RMDN2: variants seen among roughly 807,000 people sequenced by gnomAD.
RMDN2 encodes regulator of microtubule dynamics 2, also known as regulator of microtubule dynamics protein 2.
Under a neutral mutation model 52.8 loss-of-function variants are expected in RMDN2, and 61 were observed. That is an observed-to-expected ratio of 1.16 (90% CI 0.94 to 1.43). RMDN2 has a LOEUF of 1.43. Ranked by LOEUF, RMDN2 falls within the 40% of genes most tolerant of loss-of-function variation. The probability of loss-of-function intolerance (pLI) is 0.00; values close to 1 mark genes in which losing one functional copy is unlikely to be tolerated. For missense variants in RMDN2, 592 were observed against 475.3 expected (o/e 1.25, Z -2.28); for synonymous variants, 180 against 153.1 (o/e 1.18, Z -1.30).
At position 37,950,388 on chromosome 2, in the gene RMDN2, G is replaced by A. The variant is rs899607326; in HGVS notation, c.452+20659G>A. On this transcript the variant is annotated intron_variant, in intron 2 of 10. Transcript: ENST00000354545. The stretch of plus-strand genomic sequence containing the variant: ...TCGGAGAAAGGTGAGCTACAGAACA[G>A]TTCTAATATAAACTGATGTCATGAG... The A allele has an allele frequency of 5.8e-6, 9 of 1,544,748 alleles. No individual in the cohort carries two copies. In the African/African-American group the frequency reaches 6.8e-5, roughly 12 times the overall value.
intron 2 of RMDN2, among the ~76,000 whole-genome samples, chr2:37,930,509 C>T (rs1157303533): frequency 1.3e-5 from 2 of 152,170 alleles, no homozygotes; most frequent in African/African-American, 4.8e-5. Context: ...CGAGGGGCAC[C>T]CCAAGGGGCA....
chr2:38,000,164 C>G (rs1676121890), intron 8 of RMDN2, among the ~76,000 whole-genome samples: 2 of 152,078 alleles, frequency 1.3e-5, no homozygotes, highest in South Asian at 4.1e-4. Flanking sequence ...CTGTGAATCC[C>G]CTGGGGAAAT....
chr2:38,002,449 C>T (rs1299662333), intron 8 of RMDN2, among the ~76,000 whole-genome samples: 1 of 151,952 alleles, frequency 6.6e-6, no homozygotes, highest in Non-Finnish European at 1.5e-5. Context: ...TCTATGCTGA[C>T]ATGAAAATGT....
At chr2:37,976,985 G>T (rs1672555286) in intron 4 of RMDN2, among the ~76,000 whole-genome samples, 1 of 152,014 alleles carries the variant, frequency 6.6e-6, no homozygotes, top group African/African-American at 2.4e-5. Flanking sequence ...CTAGGCAGAG[G>T]GCCCTGCCGC....
intron 4 of RMDN2, among the ~76,000 whole-genome samples, chr2:37,980,787 C>A (rs1033891919): frequency 3.3e-5 from 5 of 151,838 alleles, no homozygotes; most frequent in African/African-American, 1.2e-4. Context: ...CTCTTTTTCA[C>A]CTTGGTCTTT....
At chr2:37,972,004 A>G (rs1671871153) in intron 2 of RMDN2, among the ~76,000 whole-genome samples, 1 of 152,146 alleles carries the variant, frequency 6.6e-6, no homozygotes. Context: ...CCATGAATTT[A>G]GGTCATTTTA....
intron 4 of RMDN2, chr2:37,976,225 CACA>C (rs1244182057): frequency 6.6e-6 from 1 of 152,156 alleles, no homozygotes; most frequent in African/African-American, 2.4e-5. Context: ...AATTTTTCAT[CACA>C]ACAAGAACAA....
intron 10 of RMDN2, chr2:38,066,862 A>G: frequency 1.3e-6 from 1 of 792,394 alleles, no homozygotes; most frequent in Admixed American, 2.0e-5. Context: ...AAAACTAGTG[A>G]GTATTCTCTT....
intron 2 of RMDN2, among the ~76,000 whole-genome samples, chr2:37,938,056 T>C (rs1667459106): frequency 6.6e-6 from 1 of 152,226 alleles, no homozygotes; most frequent in South Asian, 2.1e-4. Context: ...TATTTTCAGA[T>C]ATGTTCCATC....
At chr2:37,999,811 G>A (rs538308289) in intron 8 of RMDN2, among the ~76,000 whole-genome samples, 12 of 152,242 alleles carry the variant, frequency 7.9e-5, no homozygotes, top group African/African-American at 2.9e-4. Context: ...GAGCCATCCA[G>A]CTGGATCCCG....
At chr2:38,006,859 A>G (rs1677169044) in intron 10 of RMDN2, among the ~76,000 whole-genome samples, 2 of 152,132 alleles carry the variant, frequency 1.3e-5, no homozygotes, top group Admixed American at 6.5e-5. Flanking sequence ...GATAGCTCTT[A>G]TTATTTTGAG....
intron 2 of RMDN2, chr2:37,963,289 A>G (rs1212343516): frequency 1.5e-5 from 2 of 131,810 alleles, no homozygotes; most frequent in Non-Finnish European, 3.2e-5. Context: ...CCTTGAATTT[A>G]TTAATTTGGC....
chr2:38,008,128 G>A (rs563596828), intron 10 of RMDN2, among the ~76,000 whole-genome samples: 55 of 152,228 alleles, frequency 3.6e-4, no homozygotes, highest in Non-Finnish European at 5.7e-4. Flanking sequence ...ACTTCCAACT[G>A]TGTGGTCAAT....
At chr2:37,929,840 TGAAAA>T (rs1558432745) in intron 2 of RMDN2, 111 bp downstream of exon 2, 2 of 675,500 alleles carry the variant, frequency 3.0e-6, no homozygotes, top group African/African-American at 1.8e-5. Context: ...TCACATAAAA[TGAAAA>T]GGAGTGATAT....
At chr2:37,995,364 T>TACTACTACTAC (rs1237053304) in intron 7 of RMDN2, among the ~76,000 whole-genome samples, 154 of 146,528 alleles carry the variant, frequency 1.1e-3, no homozygotes, top group Non-Finnish European at 1.9e-3. Context: ...CTACTACTAC[T>TACTACTACTAC]ACACACACAC....
chr2:38,042,428 ACACACACACACACAC>A (rs1196706078), intron 10 of RMDN2, among the ~76,000 whole-genome samples: 1 of 136,594 alleles, frequency 7.3e-6, no homozygotes, highest in Non-Finnish European at 1.5e-5. Flanking sequence ...CACACACCAC[ACACACACACACACAC>A]CACACACACA....
intron 10 of RMDN2, among the ~76,000 whole-genome samples, chr2:38,048,097 T>C (rs923667528): frequency 6.6e-6 from 1 of 152,252 alleles, no homozygotes; most frequent in African/African-American, 2.4e-5. Flanking sequence ...ATTCTAAACT[T>C]CATTTCTCCT....
chr2:38,003,604 G>GATAGA (rs1306774545), intron 8 of RMDN2, among the ~76,000 whole-genome samples: 17 of 103,246 alleles, frequency 1.6e-4, no homozygotes, highest in East Asian at 6.4e-4. Context: ...AGATAGATAG[G>GATAGA]CAGACAGACA....
intron 10 of RMDN2, among the ~76,000 whole-genome samples, chr2:38,050,538 G>A (rs553315114): frequency 8.7e-4 from 132 of 152,204 alleles, no homozygotes; most frequent in African/African-American, 3.1e-3. Context: ...GCCAGACTGG[G>A]ATGCAATATA....
Sources: gnomAD v4.1 joint callset for allele counts (sites outside exome capture counted in the v4.1 genomes callset) on GRCh38, gnomAD v4.1.1 for gene constraint, MANE v1.5 for transcripts, NCBI Gene and HGNC (gene_info 2026-07-23, HGNC 2026-07-21) for gene names.